Variants in SAMD11 observed in about 807,000 individuals in gnomAD.
The protein encoded by SAMD11 is sterile alpha motif domain containing 11, also known as sterile alpha motif domain-containing protein 11.
SAMD11 carries 77 observed loss-of-function variants against 64.4 expected under a neutral mutation model. That is an observed-to-expected ratio of 1.20 (90% CI 0.99 to 1.44). SAMD11 has a LOEUF of 1.44. Among genes scored for constraint, SAMD11 ranks in the 40% most tolerant of loss-of-function variants. The pLI is 0.00. For missense variants in SAMD11, 1,402 were observed against 943.3 expected, an observed-to-expected ratio of 1.49 and a Z score of -6.37; for synonymous variants, 658 against 421.9, an observed-to-expected ratio of 1.56 and a Z score of -6.86.
At position 942,815 on chromosome 1, in the gene SAMD11, T is replaced by A. The variant is rs879334943; in HGVS notation, c.1810T>A (p.Ser604Thr). The change falls in exon 11 of 14, where the codon TCA (serine) becomes ACA (threonine). Residue 604 changes from serine (S) to threonine (T), a missense_variant. Transcript: ENST00000616016. ...APRKGGPGPA[S>T]ARPSESKEMT... ...CCGGAAGGGGGGTCCCGGCCCTGCC[T>A]CAGCGCGGCCCAGCGAGTCCAAGGA... is the stretch of plus-strand genomic sequence containing the variant. 6.5e-5 allele frequency: 101 copies of A among 1,547,572 alleles called. No homozygotes were observed. The highest frequency in any genetic ancestry group is 8.7e-5 in the Non-Finnish European group (100 of 1,146,122).
intron 5 of SAMD11, among the ~76,000 whole-genome samples, chr1:937,376 T>C (rs1569894988): frequency 6.7e-6 from 1 of 149,568 alleles, no homozygotes; most frequent in African/African-American, 2.5e-5. Flanking sequence ...TGCGGTCTCA[T>C]TGCAGGCCCC....
Position 942,805 on chromosome 1 carries a change from C to T in SAMD11, c.1800C>T (p.Pro600=), listed in dbSNP as rs916210352. The part of the protein sequence containing the change: ...SARRAPRKGG[P]GPASARPSES... ...GGCGAGCCCCCCGGAAGGGGGGTCC[C>T]GGCCCTGCCTCAGCGCGGCCCAGCG... Residue 600 remains proline (P), a synonymous_variant, in exon 11 of 14, where the codon CCC becomes CCT. Coordinates refer to ENST00000616016, the MANE Select transcript of SAMD11 (RefSeq NM_001385641.1). The T allele has an allele frequency of 1.6e-5, 25 of 1,545,742 alleles. No individual in the cohort carries two copies. Among genetic ancestry groups the T allele is most frequent in the Admixed American group, 3.9e-5 (2 of 50,816 alleles).
At chr1:931,243 A>G (rs574501901) in intron 4 of SAMD11, among the ~76,000 whole-genome samples, 154 bp downstream of exon 4, 2 of 149,926 alleles carry the variant, frequency 1.3e-5, no homozygotes, top group African/African-American at 4.9e-5. Context: ...CATGTGCTGC[A>G]AGGTTGTCCC....
At position 935,827 on chromosome 1, in the gene SAMD11, G is replaced by A. The variant is rs768241663; in HGVS notation, c.898G>A (p.Val300Ile). ...CAGCGTCCACCGCAGCCGCCACCTC[G>A]TTATGCCCGAGCATCAGAGCCGCTG... The part of the protein sequence containing the change: ...ISSVHRSRHL[V>I]MPEHQSRCEF... The change falls in exon 5 of 14, where the codon GTT becomes ATT. Residue 300 changes from valine to isoleucine, a missense_variant. By Grantham distance (29) the Val-to-Ile change is conservative. Transcript: ENST00000616016. 20 of 1,613,334 alleles carry A rather than the reference G, an allele frequency of 1.2e-5. No individual in the cohort carries two copies. The highest frequency in any genetic ancestry group is 9.9e-5 in the South Asian group (9 of 91,088).
intron 12 of SAMD11, 148 bp downstream of exon 12, chr1:943,525 CCT>C (rs1641948012): frequency 3.6e-6 from 3 of 822,652 alleles, no homozygotes; most frequent in Non-Finnish European, 3.5e-6. Flanking sequence ...GTGCACCCCA[CCT>C]TTTTTTTTTT....
intron 1 of SAMD11, 88 bp from the exon 2 acceptor site, chr1:925,834 G>A: frequency 1.1e-6 from 1 of 944,408 alleles, no homozygotes; most frequent in Non-Finnish European, 1.7e-6. Flanking sequence ...TTTCGTCCAC[G>A]AGCCGGGGAG....
chr1:925,655 A>C, intron 1 of SAMD11: 5 of 379,918 alleles, frequency 1.3e-5, no homozygotes, highest in Non-Finnish European at 2.0e-5. Context: ...GAGAGGGTGG[A>C]GCGCGGGAGG....
At chr1:929,876 C>T (rs549710460) in intron 2 of SAMD11, among the ~76,000 whole-genome samples, 12 of 152,178 alleles carry the variant, frequency 7.9e-5, no homozygotes, top group Admixed American at 3.9e-4. Flanking sequence ...CAGTGGGCGT[C>T]GTCTGTAGGG....
intron 12 of SAMD11, 125 bp from the exon 13 acceptor site, chr1:943,573 C>G (rs1641955748): frequency 1.1e-6 from 1 of 902,368 alleles, no homozygotes; most frequent in Non-Finnish European, 1.6e-6. Context: ...GCCTGACACT[C>G]AAACCCAACA....
At position 931,078 on chromosome 1, in the gene SAMD11, G is replaced by A. The variant is rs973377432; in HGVS notation, c.831G>A (p.Glu277=). The change falls in exon 4 of 14, where the codon GAG becomes GAA. Residue 277 remains glutamate, a synonymous_variant. Coordinates refer to ENST00000616016, the MANE Select transcript of SAMD11 (RefSeq NM_001385641.1). ...THWDVNISFR[E]ASCSQDGNLP... is the part of the protein sequence containing the mutation. ...GGGACGTGAACATCTCTTTCCGAGA[G>A]GCGTCCTGCAGGTAGGAGCCGTGCT... The A allele has an allele frequency of 4.3e-6, 7 of 1,612,494 alleles. No homozygotes were observed. In the African/African-American group the frequency reaches 9.3e-5, roughly 22 times the overall value.
chr1:942,107 G>A (rs772422539), intron 8 of SAMD11, 29 bp from the exon 9 acceptor site: 4 of 681,968 alleles, frequency 5.9e-6, no homozygotes, highest in African/African-American at 3.8e-5. Flanking sequence ...GGGCGGGGGG[G>A]ACGCCGCTCA....
At position 942,258 on chromosome 1, in the gene SAMD11, A is replaced by C; in HGVS notation, c.1474+7A>C. 4.3e-6 allele frequency: 5 copies of C among 1,176,356 alleles called. No individual in the cohort carries two copies. Among genetic ancestry groups the C allele is most frequent in the Non-Finnish European group, 5.6e-6 (5 of 891,710 alleles). The allele number at this position is 1,176,356 out of a possible 1,614,324, so 72.9% of individuals were successfully genotyped here. On this transcript the variant is annotated splice_region_variant and intron_variant, in intron 9 of 13. Coordinates refer to ENST00000616016, the MANE Select transcript of SAMD11 (RefSeq NM_001385641.1). ...GCTCTGTGCCAGACCCCAGGTGAGG[A>C]GGCGGGTGCGCATCCCCTGGGAGCC...
At chr1:926,426 G>C (rs1454151745) in intron 2 of SAMD11, among the ~76,000 whole-genome samples, 4 of 152,246 alleles carry the variant, frequency 2.6e-5, no homozygotes. Context: ...TGGGACGACA[G>C]CATTTTGGGG....
chr1:942,062 G>T (rs891102020), intron 8 of SAMD11, 74 bp from the exon 9 acceptor site: 4 of 469,866 alleles, frequency 8.5e-6, no homozygotes, highest in Admixed American at 4.2e-5. Context: ...AGCGGAGGCG[G>T]CGGGGGAGGG....
intron 2 of SAMD11, among the ~76,000 whole-genome samples, chr1:928,089 T>C (rs1178443292): frequency 6.6e-6 from 1 of 152,196 alleles, no homozygotes; most frequent in Non-Finnish European, 1.5e-5. Flanking sequence ...TTGTGTCTTC[T>C]CCTCAAAAGA....
At chr1:935,289 A>G (rs2100327908) in intron 4 of SAMD11, among the ~76,000 whole-genome samples, 1 of 152,228 alleles carries the variant, frequency 6.6e-6, no homozygotes, top group South Asian at 2.1e-4. Flanking sequence ...GCGTCTCATC[A>G]GCTGCAGGAC....
In SAMD11 at chr1:926,041, G is replaced by A. The variant is rs778649081; in HGVS notation, c.609+28G>A. The A allele has an allele frequency of 3.1e-6, 5 of 1,602,030 alleles. No homozygotes were observed. In the South Asian group the frequency reaches 5.5e-5, roughly 18 times the overall value. ...GAGATGCGGGGCTCGGTTGGGGCTG[G>A]GAGTTACTCTCCCCTGCGGAGCTTG... is the stretch of plus-strand genomic sequence containing the variant. On this transcript the variant is annotated intron_variant, in intron 2 of 13. Transcript: ENST00000616016.
intron 12 of SAMD11, 72 bp downstream of exon 12, chr1:943,449 G>C (rs1455273702): frequency 5.2e-6 from 7 of 1,334,478 alleles, no homozygotes; most frequent in Non-Finnish European, 7.2e-6. Context: ...GGAAAGGATG[G>C]TGGGGTAGGG....
intron 5 of SAMD11, among the ~76,000 whole-genome samples, chr1:938,521 G>A (rs1381761271): frequency 6.6e-6 from 1 of 152,176 alleles, no homozygotes; most frequent in Non-Finnish European, 1.5e-5. Flanking sequence ...CAAGTAGGAG[G>A]CCTGGGAGTG....
Sources: allele counts gnomAD v4.1 joint callset (sites outside exome capture counted in the v4.1 genomes callset), GRCh38; gene constraint gnomAD v4.1.1; transcripts MANE v1.5; gene names NCBI Gene and HGNC (gene_info 2026-07-23, HGNC 2026-07-21).